SPATS2: variants seen among roughly 807,000 people sequenced by gnomAD.
SPATS2 encodes the protein spermatogenesis associated serine rich 2, also known as spermatogenesis-associated serine-rich protein 2.
A neutral mutation model predicts 63.7 loss-of-function variants in SPATS2; 38 were observed. That is an observed-to-expected ratio of 0.60 (90% confidence interval 0.46 to 0.78). The LOEUF (loss-of-function observed/expected upper bound fraction) is 0.78, where lower values mean the gene tolerates loss of function less well. SPATS2 is among the 30% of genes least tolerant of loss of function. SPATS2 has a pLI of 0.00. For missense variants in SPATS2, 588 were observed against 666.2 expected, an observed-to-expected ratio of 0.88 and a Z score of 1.29; for synonymous variants, 207 against 232.9, an observed-to-expected ratio of 0.89 and a Z score of 1.01.
At chr12:49,423,531 C>T (rs1945020807) in intron 2 of SPATS2, among the ~76,000 whole-genome samples, 1 of 152,190 alleles carries the variant, frequency 6.6e-6, no homozygotes, top group African/African-American at 2.4e-5. Flanking sequence ...TTGAAGCCTC[C>T]TTGCATTCTG....
At chr12:49,514,504 T>TAAAA in intron 9 of SPATS2, 51 bp from the exon 10 acceptor site, 2 of 1,554,674 alleles carry the variant, frequency 1.3e-6, no homozygotes, top group South Asian at 2.3e-5. Flanking sequence ...GTGCTAATTT[T>TAAAA]GTATTTGAGT....
intron 2 of SPATS2, among the ~76,000 whole-genome samples, chr12:49,375,153 TG>T (rs1944074508): frequency 6.0e-5 from 6 of 99,940 alleles, no homozygotes; most frequent in Non-Finnish European, 1.0e-4. Flanking sequence ...TGTGTGTGTG[TG>T]TGTGTGTGTG....
intron 2 of SPATS2, among the ~76,000 whole-genome samples, chr12:49,443,804 G>A (rs1281304214): frequency 1.3e-5 from 2 of 152,050 alleles, no homozygotes; most frequent in African/African-American, 4.8e-5. Flanking sequence ...TAGATATGAA[G>A]GTTTATTTTT....
intron 3 of SPATS2, among the ~76,000 whole-genome samples, chr12:49,472,621 A>G (rs1237434574): frequency 6.8e-6 from 1 of 147,426 alleles, no homozygotes; most frequent in Non-Finnish European, 1.5e-5. Flanking sequence ...TTATATATAT[A>G]TATATATAAA....
chr12:49,397,760 T>TTTGA (rs1387436770), intron 2 of SPATS2, among the ~76,000 whole-genome samples: 1 of 147,390 alleles, frequency 6.8e-6, no homozygotes, highest in Non-Finnish European at 1.5e-5. Context: ...AGCCCAGGAG[T>TTTGA]TTGAGGCTGC....
At chr12:49,447,690 G>A (rs557373008) in intron 2 of SPATS2, among the ~76,000 whole-genome samples, 3 of 152,198 alleles carry the variant, frequency 2.0e-5, no homozygotes, top group African/African-American at 7.2e-5. Context: ...CCCTTTTTAA[G>A]TCAATCTTAG....
intron 8 of SPATS2, among the ~76,000 whole-genome samples, chr12:49,497,841 TA>T (rs1323472012): frequency 1.0e-4 from 15 of 147,112 alleles, no homozygotes; most frequent in Admixed American, 1.4e-4. Context: ...GCTCTTTGCT[TA>T]AAAAAAAAAG....
intron 9 of SPATS2, among the ~76,000 whole-genome samples, chr12:49,510,972 C>T (rs567676009): frequency 6.6e-6 from 1 of 152,166 alleles, no homozygotes; most frequent in Non-Finnish European, 1.5e-5. Flanking sequence ...TAATCCCAGG[C>T]AGGCAGATCA....
intron 3 of SPATS2, among the ~76,000 whole-genome samples, chr12:49,480,591 A>T (rs1946189923): frequency 6.6e-6 from 1 of 152,186 alleles, no homozygotes; most frequent in Admixed American, 6.5e-5. Flanking sequence ...ACATGGATGT[A>T]CAAAACACCT....
chr12:49,448,947 G>A (rs143294771), intron 2 of SPATS2, among the ~76,000 whole-genome samples: 5 of 152,294 alleles, frequency 3.3e-5, no homozygotes, highest in African/African-American at 9.6e-5. Context: ...CATATGGTCT[G>A]TGTTACAACT....
chr12:49,378,686 G>T (rs534919790), intron 2 of SPATS2, among the ~76,000 whole-genome samples: 2 of 151,978 alleles, frequency 1.3e-5, no homozygotes, highest in East Asian at 3.9e-4. Context: ...GCCTCGACCT[G>T]CTGGGGTCAG....
intron 2 of SPATS2, among the ~76,000 whole-genome samples, chr12:49,452,319 A>G (rs1945637321): frequency 6.6e-6 from 1 of 152,234 alleles, no homozygotes; most frequent in South Asian, 2.1e-4. Context: ...TGTTTAAGAG[A>G]TAGGGTCTTG....
At chr12:49,373,089 C>T (rs148095811) in intron 2 of SPATS2, among the ~76,000 whole-genome samples, 6,813 of 152,030 alleles carry the variant, frequency 0.045, 348 homozygotes, top group African/African-American at 0.12. Flanking sequence ...TCTCCTTCGT[C>T]AGCCTCCTGA....
chr12:49,495,076 C>A, intron 7 of SPATS2, 74 bp downstream of exon 7: 1 of 1,395,804 alleles, frequency 7.2e-7, no homozygotes, highest in Non-Finnish European at 9.5e-7. Flanking sequence ...AGAAAGTGAT[C>A]AATTAAATCT....
At chr12:49,408,263 T>G (rs1302497294) in intron 2 of SPATS2, among the ~76,000 whole-genome samples, 1 of 151,478 alleles carries the variant, frequency 6.6e-6, no homozygotes, top group Non-Finnish European at 1.5e-5. Flanking sequence ...TTTTTTTTTT[T>G]TTTTTTGAGA....
chr12:49,523,975 C>A (rs12315941), intron 12 of SPATS2, among the ~76,000 whole-genome samples: 2,145 of 151,864 alleles, frequency 0.014, 47 homozygotes, highest in African/African-American at 0.047. Flanking sequence ...TGAAATATTT[C>A]ACCTATGGCA....
Position 49,384,883 on chromosome 12 carries a change from C to T in SPATS2, c.-244+13593C>T, listed in dbSNP as rs549045385. On this transcript the variant is annotated intron_variant, in intron 2 of 13. Coordinates refer to ENST00000552918, the MANE Select transcript of SPATS2 (RefSeq NM_023071.4). ...GGAGTGCAATGGCGCGACCTTGGCT[C>T]ACCGCAACCTTCGCTTCCCGGGTTC... Among the ~76,000 whole-genome samples the T allele has an allele frequency of 3.3e-5, 5 of 152,146 alleles. No homozygotes were observed. The South Asian group carries it at 1.0e-3, about 32-fold the overall frequency.
At chr12:49,509,475 G>C (rs943344713) in intron 9 of SPATS2, among the ~76,000 whole-genome samples, 1 of 151,716 alleles carries the variant, frequency 6.6e-6, no homozygotes, top group African/African-American at 2.4e-5. Flanking sequence ...CATCATATTG[G>C]CCAGGCATCA....
intron 3 of SPATS2, among the ~76,000 whole-genome samples, chr12:49,479,176 G>T (rs994189301): frequency 6.6e-6 from 1 of 152,198 alleles, no homozygotes; most frequent in Admixed American, 6.5e-5. Context: ...CGTGCCAGTT[G>T]GTCCGTGGGT....
Sources: allele counts gnomAD v4.1 joint callset (sites outside exome capture counted in the v4.1 genomes callset), GRCh38; gene constraint gnomAD v4.1.1; transcripts MANE v1.5; gene names NCBI Gene and HGNC (gene_info 2026-07-23, HGNC 2026-07-21).